STYXL2: variants seen among roughly 807,000 people sequenced by gnomAD.
STYXL2 encodes the protein serine/threonine/tyrosine interacting like 2, also known as serine/threonine/tyrosine-interacting-like protein 2.
Under a neutral mutation model 52.4 loss-of-function variants are expected in STYXL2, and 44 were observed. The observed-to-expected ratio is 0.84, with a 90% CI of 0.66 to 1.08. The LOEUF is 1.08. Among genes scored for constraint, STYXL2 ranks in the 50% least tolerant of loss-of-function variants. The pLI, the probability that STYXL2 is intolerant of heterozygous loss-of-function variation, is 0.00. For synonymous variants in STYXL2, 604 were observed against 586.9 expected (o/e 1.03, Z -0.42); for missense variants, 1,604 against 1,471.7 (o/e 1.09, Z -1.47).
In STYXL2 at chr1:167,103,483, T is replaced by A. The variant is rs148960378; in HGVS notation, c.110+8524T>A. Among the ~76,000 whole-genome samples, 770 of 151,840 alleles carry A rather than the reference T, an allele frequency of 5.1e-3. 5 individuals are homozygous for A. The highest frequency in any genetic ancestry group is 0.018 in the African/African-American group (731 of 41,398). ...CCCTGCTTGCTGTCCTGGCAGGGAGTCTTAACATTTCAAGTCTCATCTGTA... is the reference window on the plus strand; with the variant it reads ...CCCTGCTTGCTGTCCTGGCAGGGAGACTTAACATTTCAAGTCTCATCTGTA... On this transcript the variant is annotated intron_variant, in intron 2 of 5. Transcript: ENST00000361200.
At chr1:167,110,265 C>G (rs1397945489) in intron 2 of STYXL2, among the ~76,000 whole-genome samples, 1 of 152,194 alleles carries the variant, frequency 6.6e-6, no homozygotes, top group Non-Finnish European at 1.5e-5. Flanking sequence ...ATAGTCTAGC[C>G]AAATGAGAAG....
intron 2 of STYXL2, among the ~76,000 whole-genome samples, chr1:167,101,364 T>C (rs1453829350): frequency 6.6e-6 from 1 of 152,216 alleles, no homozygotes; most frequent in Non-Finnish European, 1.5e-5. Flanking sequence ...TGGGACAATC[T>C]TATATACTGC....
intron 2 of STYXL2, among the ~76,000 whole-genome samples, chr1:167,112,213 T>G (rs1484651095): frequency 6.6e-6 from 1 of 152,176 alleles, no homozygotes; most frequent in Admixed American, 6.5e-5. Context: ...TCTCAGATAC[T>G]ATGGATGATG....
chr1:167,119,251 G>A lies in STYXL2; in HGVS notation c.440G>A (p.Ser147Asn), dbSNP rs1039924370. ...VWPNVFIAEK[S>N]VAVNKGRLKR... is the part of the protein sequence containing the mutation. ...CAGGTCCCTGCCTCTTCCCGCAGGAGTGTGGCTGTGAACAAGGGGAGGCTG... is the reference window on the plus strand; with the variant it reads ...CAGGTCCCTGCCTCTTCCCGCAGGAATGTGGCTGTGAACAAGGGGAGGCTG... The change falls in exon 5 of 6, where the codon AGT becomes AAT. Residue 147 changes from serine to asparagine, a missense_variant and splice_region_variant. Ser to Asn is a conservative substitution (Grantham distance 46). Coordinates refer to ENST00000361200, the MANE Select transcript of STYXL2 (RefSeq NM_001080426.3). 2 of 1,614,002 alleles carry A rather than the reference G, an allele frequency of 1.2e-6. No homozygotes were observed. The highest frequency in any genetic ancestry group is 1.3e-5 in the African/African-American group (1 of 74,920).
chr1:167,128,741 G>C lies in STYXL2; in HGVS notation c.*133G>C. On this transcript the variant is annotated 3_prime_UTR_variant, in exon 6 of 6. Transcript: ENST00000361200. The stretch of plus-strand genomic sequence containing the variant: ...CAGAGGGGCAGAGCCAAAATGAGAG[G>C]TACCAAGCATAAGGGCAGCAGAGGT... 1 of 1,403,524 alleles carries C rather than the reference G, an allele frequency of 7.1e-7. No homozygotes were observed. The highest frequency in any genetic ancestry group is 9.3e-7 in the Non-Finnish European group (1 of 1,071,648). 86.9% of individuals were successfully genotyped at this position (1,403,524 alleles called of 1,614,324 possible).
chr1:167,103,162 CTCTTA>C (rs1422156612), intron 2 of STYXL2, among the ~76,000 whole-genome samples: 1 of 152,194 alleles, frequency 6.6e-6, no homozygotes, highest in Non-Finnish European at 1.5e-5. Context: ...GTCTTCTCTT[CTCTTA>C]TAAGGACACT....
rs752092470 is a variant in STYXL2, at chr1:167,119,299, T to G, written c.488T>G (p.Ile163Ser). ...CTGAAGAGGCTGGGAATCACCCACA[T>G]TCTGAATGCTGCGCATGGCACCGGC... ...GRLKRLGITH[I>S]LNAAHGTGVY... The change falls in exon 5 of 6, where the codon ATT (isoleucine) becomes AGT (serine). Residue 163 changes from isoleucine (I) to serine (S), a missense_variant. Coordinates refer to ENST00000361200, the MANE Select transcript of STYXL2 (RefSeq NM_001080426.3). 6.2e-7 allele frequency: 1 copy of G among 1,614,218 alleles called. No homozygotes were observed. Among genetic ancestry groups the G allele is most frequent in the Non-Finnish European group, 8.5e-7 (1 of 1,180,034 alleles).
chr1:167,117,629 C>T (rs1667757005), intron 4 of STYXL2, 70 bp downstream of exon 4: 40 of 1,412,986 alleles, frequency 2.8e-5, no homozygotes, highest in Non-Finnish European at 3.9e-5. Context: ...GACGAAACTC[C>T]CCCAACTTTC....
chr1:167,128,068 GT>G lies in STYXL2; in HGVS notation c.2941del (p.Ser981ProfsTer21). 5 of 1,614,204 alleles carry G rather than the reference GT, an allele frequency of 3.1e-6. No individual in the cohort carries two copies. The highest frequency in any genetic ancestry group is 4.2e-6 in the Non-Finnish European group (5 of 1,180,046). On this transcript the variant is annotated frameshift_variant, in exon 6 of 6. Coordinates refer to ENST00000361200, the MANE Select transcript of STYXL2 (RefSeq NM_001080426.3). LOFTEE classifies it high-confidence loss of function. ...CAGAGTCTAAATCCTCCAGTTACAA[GT>G]TTTCCAAATCCCAGTCAGAGGAACA... ...ETESKSSSYK[F>X]SKSQSEEQDT...
intron 2 of STYXL2, among the ~76,000 whole-genome samples, chr1:167,113,015 G>A (rs1048483007): frequency 6.6e-6 from 1 of 152,122 alleles, no homozygotes; most frequent in African/African-American, 2.4e-5. Flanking sequence ...TGTGTCTGCT[G>A]TAGATTCTCC....
Position 167,117,416 on chromosome 1 carries a change from C to A in STYXL2, c.294C>A (p.Asn98Lys). The A allele has an allele frequency of 2.5e-6, 4 of 1,612,756 alleles. No homozygotes were observed. The highest frequency in any genetic ancestry group is 3.4e-6 in the Non-Finnish European group (4 of 1,179,458). The change falls in exon 4 of 6, where the codon AAC becomes AAA. Residue 98 changes from asparagine (N) to lysine (K), a missense_variant. Coordinates refer to ENST00000361200, the MANE Select transcript of STYXL2 (RefSeq NM_001080426.3). ...AEQLLVEDLYNRVREKMDDTS... is the reference protein window; with the variant it reads ...AEQLLVEDLYKRVREKMDDTS... Reference sequence around the variant, plus strand: ...AGCTGCTGGTGGAGGACCTGTACAACCGCGTCAGGGAGAAGATGGATGACA... The same window carrying A: ...AGCTGCTGGTGGAGGACCTGTACAAACGCGTCAGGGAGAAGATGGATGACA...
chr1:167,102,113 G>T (rs969602593), intron 2 of STYXL2, among the ~76,000 whole-genome samples: 4 of 151,634 alleles, frequency 2.6e-5, no homozygotes, highest in African/African-American at 9.7e-5. Flanking sequence ...CTCTACAGTG[G>T]CAGAAAGCAG....
chr1:167,096,961 T>A (rs562505634), intron 2 of STYXL2, among the ~76,000 whole-genome samples: 1 of 152,300 alleles, frequency 6.6e-6, no homozygotes, highest in African/African-American at 2.4e-5. Context: ...CACATTATGG[T>A]CGGATCAGGA....
chr1:167,096,125 G>A (rs567725252), intron 2 of STYXL2, among the ~76,000 whole-genome samples: 1 of 152,216 alleles, frequency 6.6e-6, no homozygotes, highest in East Asian at 1.9e-4. Flanking sequence ...AGGTGTGGTG[G>A]TAGGTGCCTG....
chr1:167,101,237 T>C (rs919555904), intron 2 of STYXL2, among the ~76,000 whole-genome samples: 1 of 152,164 alleles, frequency 6.6e-6, no homozygotes, highest in African/African-American at 2.4e-5. Flanking sequence ...CTCAAAATCC[T>C]TAATCATTAG....
chr1:167,127,158 C>A lies in STYXL2; in HGVS notation c.2027C>A (p.Thr676Lys). 6.2e-7 allele frequency: 1 copy of A among 1,614,114 alleles called. No homozygotes were observed. The highest frequency in any genetic ancestry group is 8.5e-7 in the Non-Finnish European group (1 of 1,179,996). The change falls in exon 6 of 6, where the codon ACG becomes AAG. Residue 676 changes from threonine (T) to lysine (K), a missense_variant. Physicochemically the swap from Thr to Lys is moderately conservative, Grantham distance 78. Transcript: ENST00000361200. ...DPSVSADGDT[T>K]SVLSTQSHRS... The stretch of plus-strand genomic sequence containing the variant: ...TCAGTCAGCGCTGATGGGGACACGA[C>A]GTCAGTACTGAGCACCCAGAGCCAC...
At chr1:167,112,993 A>T (rs1472094193) in intron 2 of STYXL2, among the ~76,000 whole-genome samples, 1 of 152,170 alleles carries the variant, frequency 6.6e-6, no homozygotes, top group Non-Finnish European at 1.5e-5. Context: ...GCCATAGTGC[A>T]GTCCCAGGTC....
At chr1:167,104,166 G>C (rs918886986) in intron 2 of STYXL2, among the ~76,000 whole-genome samples, 1 of 151,132 alleles carries the variant, frequency 6.6e-6, no homozygotes, top group African/African-American at 2.4e-5. Flanking sequence ...ACCTCTGCCC[G>C]TCCCCCCACC....
At chr1:167,116,804 A>G (rs1667733987) in intron 3 of STYXL2, among the ~76,000 whole-genome samples, 1 of 151,964 alleles carries the variant, frequency 6.6e-6, no homozygotes, top group Non-Finnish European at 1.5e-5. Flanking sequence ...GGCACTCTCC[A>G]CCACGCTTGG....
Sources: gnomAD v4.1 joint callset for allele counts (sites outside exome capture counted in the v4.1 genomes callset) on GRCh38, gnomAD v4.1.1 for gene constraint, MANE v1.5 for transcripts, NCBI Gene and HGNC (gene_info 2026-07-23, HGNC 2026-07-21) for gene names.